PTPRT: variants seen among roughly 807,000 people sequenced by gnomAD.
PTPRT encodes protein tyrosine phosphatase receptor type T.
PTPRT carries 56 observed loss-of-function variants against 176.8 expected under a neutral mutation model. That is an observed-to-expected ratio of 0.32 (90% confidence interval 0.26 to 0.40). The LOEUF (loss-of-function observed/expected upper bound fraction) is 0.40, where lower values mean the gene tolerates loss of function less well. Among genes scored for constraint, PTPRT ranks in the 10% least tolerant of loss-of-function variants. The pLI, the probability that PTPRT is intolerant of heterozygous loss-of-function variation, is 1.00. For missense variants in PTPRT, 1,540 were observed against 1,908.2 expected (o/e 0.81, Z 3.60); for synonymous variants, 783 against 739.0 (o/e 1.06, Z -0.96).
intron 1 of PTPRT, among the ~76,000 whole-genome samples, chr20:42,943,018 G>A (rs1263429634): frequency 6.6e-6 from 1 of 152,194 alleles, no homozygotes; most frequent in African/African-American, 2.4e-5. Flanking sequence ...TGCATGAGAA[G>A]GGCCAATCGT....
At chr20:42,503,038 G>A (rs1208739936) in intron 7 of PTPRT, among the ~76,000 whole-genome samples, 1 of 151,930 alleles carries the variant, frequency 6.6e-6, no homozygotes, top group Non-Finnish European at 1.5e-5. Context: ...GTATGTTAAG[G>A]TATCCTCTTT....
At chr20:42,043,202 C>A in the PTPRT span, among the ~76,000 whole-genome samples, 1 of 152,208 alleles carries the variant, frequency 6.6e-6, no homozygotes, top group African/African-American at 2.4e-5. Context: ...TTCCAATCAG[C>A]CTGTGGAGGT....
intron 16 of PTPRT, among the ~76,000 whole-genome samples, chr20:42,197,827 A>G (rs950258217): frequency 6.6e-6 from 1 of 152,156 alleles, no homozygotes; most frequent in Admixed American, 6.6e-5. Flanking sequence ...ATCTAGGTAA[A>G]GGGTATATGA....
At chr20:42,181,246 A>G (rs1990510848) in intron 16 of PTPRT, among the ~76,000 whole-genome samples, 1 of 152,200 alleles carries the variant, frequency 6.6e-6, no homozygotes, top group African/African-American at 2.4e-5. Context: ...GAAGTGTAAA[A>G]GGCTAGAAGC....
intron 1 of PTPRT, among the ~76,000 whole-genome samples, chr20:42,963,144 A>C (rs1321011149): frequency 6.6e-6 from 1 of 152,152 alleles, no homozygotes; most frequent in Non-Finnish European, 1.5e-5. Flanking sequence ...GCTTGCAGTG[A>C]GCTTAGATCG....
Position 42,077,504 on chromosome 20 carries a change from G to A in PTPRT, c.*3375C>T, listed in dbSNP as rs192579919. 592 of 220,880 alleles carry A rather than the reference G, an allele frequency of 2.7e-3. No homozygotes were observed. The highest frequency in any genetic ancestry group is 0.011 in the Middle Eastern group (8 of 718). The allele number at this position is 220,880 out of a possible 1,614,324, so 13.7% of individuals were successfully genotyped here. On this transcript the variant is annotated 3_prime_UTR_variant, in exon 31 of 31. Coordinates refer to ENST00000373187, the MANE Select transcript of PTPRT (RefSeq NM_007050.6). ...GCTCATGACAGGCTGAGCTCACCCT[G>A]TAAATGGGGTGGGGTGGGGAGACCC...
chr20:42,513,603 AT>A (rs571284713), intron 7 of PTPRT, among the ~76,000 whole-genome samples: 33 of 152,100 alleles, frequency 2.2e-4, no homozygotes, highest in Non-Finnish European at 4.3e-4. Context: ...TGTTATTAAT[AT>A]TCTATTACAT....
intron 7 of PTPRT, among the ~76,000 whole-genome samples, chr20:42,563,810 T>G (rs191291094): frequency 2.6e-4 from 39 of 152,268 alleles, no homozygotes; most frequent in Middle Eastern, 3.4e-3. Context: ...CCACGGCAAG[T>G]GTTTGGAAGG....
At chr20:42,829,558 T>C (rs1227109463) in intron 2 of PTPRT, among the ~76,000 whole-genome samples, 4 of 152,166 alleles carry the variant, frequency 2.6e-5, no homozygotes, top group Non-Finnish European at 4.4e-5. Context: ...TGAAACCCCA[T>C]CTCTACTAAA....
chr20:42,987,105 C>T (rs558481052), intron 1 of PTPRT, among the ~76,000 whole-genome samples: 1 of 152,288 alleles, frequency 6.6e-6, no homozygotes, highest in East Asian at 1.9e-4. Context: ...CCTAGACCCC[C>T]ACATCCACCC....
chr20:42,118,571 C>G lies in PTPRT; in HGVS notation c.2885-71G>C, dbSNP rs16986527. The G allele has an allele frequency of 2.0e-5, 28 of 1,397,268 alleles. No homozygotes were observed. The African/African-American group carries it at 2.6e-4, about 13-fold the overall frequency. 86.6% of individuals were successfully genotyped at this position (1,397,268 alleles called of 1,614,324 possible). A position where few individuals can be genotyped will look rare whatever the true frequency, so the allele number is the denominator to read the frequency against. Reference sequence around the variant, plus strand: ...CAGCAGCTGAGAAGGTTTGTCCCCCCGGTTGGTCAAGTCTCCACACTGGTG... The same window carrying G: ...CAGCAGCTGAGAAGGTTTGTCCCCCGGGTTGGTCAAGTCTCCACACTGGTG... On this transcript the variant is annotated intron_variant, in intron 20 of 30. Transcript: ENST00000373187.
chr20:42,911,774 A>C (rs976817485), intron 1 of PTPRT, among the ~76,000 whole-genome samples: 6 of 152,060 alleles, frequency 3.9e-5, no homozygotes, highest in African/African-American at 1.4e-4. Flanking sequence ...GGCTTTTGAG[A>C]CTTTTTTTCC....
chr20:42,602,118 A>G (rs1331377576), intron 7 of PTPRT, among the ~76,000 whole-genome samples: 1 of 152,168 alleles, frequency 6.6e-6, no homozygotes, highest in Non-Finnish European at 1.5e-5. Context: ...CTTTGCCTGA[A>G]GTCCATTTTT....
chr20:43,017,458 G>A (rs185526254), intron 1 of PTPRT, among the ~76,000 whole-genome samples: 32 of 152,078 alleles, frequency 2.1e-4, no homozygotes, highest in African/African-American at 6.0e-4. Context: ...GCCCAGCCCC[G>A]TGTGTGTTTG....
intron 2 of PTPRT, among the ~76,000 whole-genome samples, chr20:42,837,779 T>C (rs536630350): frequency 7.9e-5 from 12 of 152,222 alleles, no homozygotes; most frequent in Non-Finnish European, 1.6e-4. Context: ...GAAGAGTGAC[T>C]GCCAGGAAAG....
chr20:42,198,480 G>A (rs1991320205), intron 16 of PTPRT, among the ~76,000 whole-genome samples: 1 of 152,134 alleles, frequency 6.6e-6, no homozygotes, highest in Non-Finnish European at 1.5e-5. Flanking sequence ...ACCCAATTTG[G>A]GGAAGAGGCT....
At chr20:42,677,017 T>C (rs973340222) in intron 7 of PTPRT, among the ~76,000 whole-genome samples, 8 of 151,916 alleles carry the variant, frequency 5.3e-5, no homozygotes, top group African/African-American at 7.3e-5. Context: ...CAGTAACCCA[T>C]AGAGATAGAG....
At chr20:43,095,864 CTT>C (rs2012129304) in intron 1 of PTPRT, among the ~76,000 whole-genome samples, 1 of 98,658 alleles carries the variant, frequency 1.0e-5, no homozygotes, top group African/African-American at 3.9e-5. Flanking sequence ...CTCCTTCTCT[CTT>C]TCCACCCTCC....
chr20:43,123,856 C>T lies in PTPRT; in HGVS notation c.88+65790G>A, dbSNP rs575161323. On this transcript the variant is annotated intron_variant, in intron 1 of 30. Coordinates refer to ENST00000373187, the MANE Select transcript of PTPRT (RefSeq NM_007050.6). ...GCAAGTCACTTCAGTTCCTGAGGCT[C>T]GGTTTCCCCATCTGTAAAAAAGGAA... Among the ~76,000 whole-genome samples, 19 of 152,288 alleles carry T rather than the reference C, an allele frequency of 1.2e-4. No individual in the cohort carries two copies. The East Asian group carries it at 2.7e-3, about 22-fold the overall frequency.
Sources: gnomAD v4.1 joint callset for allele counts (sites outside exome capture counted in the v4.1 genomes callset) on GRCh38, gnomAD v4.1.1 for gene constraint, MANE v1.5 for transcripts, NCBI Gene and HGNC (gene_info 2026-07-23, HGNC 2026-07-21) for gene names.